NAA40: variants seen among roughly 807,000 people sequenced by gnomAD.
The protein encoded by NAA40 is N-alpha-acetyltransferase 40.
Under a neutral mutation model 36.6 loss-of-function variants are expected in NAA40, and 26 were observed. That is an observed-to-expected ratio of 0.71 (90% CI 0.52 to 0.98). NAA40 has a LOEUF of 0.98. Ranked by LOEUF, NAA40 falls within the 50% of genes least tolerant of loss-of-function variation. The pLI is 0.00. For synonymous variants in NAA40, 129 were observed against 108.4 expected (o/e 1.19, Z -1.18); for missense variants, 237 against 306.5 (o/e 0.77, Z 1.69).
chr11:63,945,870 C>G lies in NAA40; in HGVS notation c.37C>G (p.Gln13Glu). Residue 13 changes from glutamine (Q) to glutamate (E), a missense_variant, in exon 2 of 8, where the codon CAG becomes GAG. Gln to Glu is a conservative substitution (Grantham distance 29, BLOSUM62 2). Coordinates refer to ENST00000377793, the MANE Select transcript of NAA40 (RefSeq NM_024771.4). ...RKSSKAKEKK[Q>E]KRLEERAAMD... ...GTCAAGCAAAGCCAAGGAGAAGAAG[C>G]AGAAGCGGTTGGAGGAGCGAGCAGC... 2 of 1,614,128 alleles carry G rather than the reference C, an allele frequency of 1.2e-6. No individual in the cohort carries two copies. Among genetic ancestry groups the G allele is most frequent in the Non-Finnish European group, 1.7e-6 (2 of 1,180,026 alleles).
intron 3 of NAA40, among the ~76,000 whole-genome samples, chr11:63,947,458 A>C (rs12798491): frequency 0.36 from 54,796 of 151,986 alleles, 10,526 homozygotes; most frequent in Non-Finnish European, 0.43. Context: ...CTCGTGCCCT[A>C]TATTGATATA....
chr11:63,945,803 C>T, intron 1 of NAA40, 37 bp from the exon 2 acceptor site: 1 of 1,568,610 alleles, frequency 6.4e-7, no homozygotes, highest in Non-Finnish European at 8.8e-7. Flanking sequence ...TGATTGGCCA[C>T]AGCCATTCCA....
intron 1 of NAA40, among the ~76,000 whole-genome samples, chr11:63,943,705 C>G (rs568605399): frequency 1.3e-5 from 2 of 152,148 alleles, no homozygotes; most frequent in East Asian, 3.9e-4. Flanking sequence ...CACCTGTAAT[C>G]CCAGCACTTT....
intron 3 of NAA40, among the ~76,000 whole-genome samples, chr11:63,951,174 T>G (rs1443577863): frequency 6.6e-6 from 1 of 152,218 alleles, no homozygotes; most frequent in Non-Finnish European, 1.5e-5. Flanking sequence ...TAGAGTTTGC[T>G]GACTCTAGTC....
At chr11:63,951,980 G>A (rs1180131792) in intron 3 of NAA40, among the ~76,000 whole-genome samples, 4 of 152,324 alleles carry the variant, frequency 2.6e-5, no homozygotes, top group South Asian at 2.1e-4. Flanking sequence ...AAGTGCCGAG[G>A]CGGATTAGGA....
At position 63,956,589 on chromosome 11, in the gene NAA40, T is replaced by A. The variant is rs1176824538; in HGVS notation, c.*2110T>A. 1 of 152,608 alleles carries A rather than the reference T, an allele frequency of 6.6e-6. No individual in the cohort carries two copies. The highest frequency in any genetic ancestry group is 2.4e-5 in the African/African-American group (1 of 41,426). 9.5% of individuals were successfully genotyped at this position (152,608 alleles called of 1,614,324 possible). A position where few individuals can be genotyped will look rare whatever the true frequency, so the allele number is the denominator to read the frequency against. ...CGGGACTAGGGTGGGAGAGGCACTA[T>A]CTGAGACCTGCAATCACTCTTGTTG... On this transcript the variant is annotated 3_prime_UTR_variant, in exon 8 of 8. Coordinates refer to ENST00000377793, the MANE Select transcript of NAA40 (RefSeq NM_024771.4).
intron 3 of NAA40, among the ~76,000 whole-genome samples, chr11:63,951,778 A>G (rs1183268348): frequency 2.0e-5 from 3 of 152,104 alleles, no homozygotes; most frequent in South Asian, 2.1e-4. Flanking sequence ...TGAAGGCGCA[A>G]TTGGTAGATA....
intron 1 of NAA40, chr11:63,939,353 G>A (rs1565168285): frequency 8.0e-7 from 1 of 1,243,214 alleles, no homozygotes; most frequent in Non-Finnish European, 1.0e-6. Context: ...GCCCCTTCCT[G>A]CTTCGCGGAC....
chr11:63,939,546 G>A (rs1314487962), intron 1 of NAA40: 3 of 967,464 alleles, frequency 3.1e-6, no homozygotes, highest in Non-Finnish European at 3.7e-6. Flanking sequence ...TCATATTGTC[G>A]GGGGCGTCAG....
intron 1 of NAA40, among the ~76,000 whole-genome samples, chr11:63,942,402 G>A (rs532232261): frequency 1.2e-4 from 19 of 152,228 alleles, no homozygotes; most frequent in African/African-American, 3.9e-4. Flanking sequence ...TAGACATTGC[G>A]AGCCCCATTT....
In NAA40 at chr11:63,951,375, C is replaced by T. The variant is rs116080148; in HGVS notation, c.156-863C>T. 6.8e-4 allele frequency among the ~76,000 whole-genome samples: 104 copies of T among 152,204 alleles called. 2 individuals carry two copies. The highest frequency in any genetic ancestry group is 2.4e-3 in the African/African-American group (98 of 41,520). On this transcript the variant is annotated intron_variant, in intron 3 of 7. Transcript: ENST00000377793. ...TTGTTTGTTTGGAGACAGAGTTTCGCTCTCACTGCCCAGGCTGTAGTGCAA... is the reference window on the plus strand; with the variant it reads ...TTGTTTGTTTGGAGACAGAGTTTCGTTCTCACTGCCCAGGCTGTAGTGCAA...
At chr11:63,939,392 C>A in intron 1 of NAA40, 1 of 1,199,702 alleles carries the variant, frequency 8.3e-7, no homozygotes, top group Non-Finnish European at 1.0e-6. Context: ...CCACCGTCCC[C>A]CGCGGGGACC....
At chr11:63,949,946 G>A (rs908612660) in intron 3 of NAA40, among the ~76,000 whole-genome samples, 22 of 151,340 alleles carry the variant, frequency 1.5e-4, no homozygotes, top group Admixed American at 2.6e-4. Flanking sequence ...GGGTTTCACC[G>A]TGTTAGCCAG....
chr11:63,943,333 C>T (rs976004081), intron 1 of NAA40, among the ~76,000 whole-genome samples: 7 of 152,270 alleles, frequency 4.6e-5, no homozygotes, highest in Middle Eastern at 3.4e-3. Context: ...GGGTGTATAG[C>T]GGCACTGTGT....
intron 1 of NAA40, 197 bp downstream of exon 1, chr11:63,939,299 C>CA: frequency 7.9e-7 from 1 of 1,273,174 alleles, no homozygotes; most frequent in South Asian, 2.3e-5. Flanking sequence ...TGGAGAGCCC[C>CA]TGGTCCGGGG....
Position 63,956,865 on chromosome 11 carries a change from C to A in NAA40, c.*2386C>A, listed in dbSNP as rs1197570472. ...GTTGTGGCCTGTAATCCCAGCTACT[C>A]GGGAGGCTGAGGCAGGAGACTCGCT... is the stretch of plus-strand genomic sequence containing the variant. On this transcript the variant is annotated 3_prime_UTR_variant, in exon 8 of 8. Transcript: ENST00000377793. 4 of 151,480 alleles carry A rather than the reference C, an allele frequency of 2.6e-5. No individual in the cohort carries two copies. Among genetic ancestry groups the A allele is most frequent in the African/African-American group, 9.7e-5 (4 of 41,172 alleles). The allele number at this position is 151,480 out of a possible 1,614,324, so 9.4% of individuals were successfully genotyped here. A position where few individuals can be genotyped will look rare whatever the true frequency, so the allele number is the denominator to read the frequency against.
chr11:63,945,165 G>A (rs935501460), intron 1 of NAA40, among the ~76,000 whole-genome samples: 1 of 152,218 alleles, frequency 6.6e-6, no homozygotes, highest in South Asian at 2.1e-4. Context: ...CTGCAGCTTC[G>A]TCTTGCTGGC....
At chr11:63,942,226 C>T (rs1263304895) in intron 1 of NAA40, among the ~76,000 whole-genome samples, 7 of 152,096 alleles carry the variant, frequency 4.6e-5, no homozygotes, top group African/African-American at 7.2e-5. Context: ...CCTCTGTGAC[C>T]CTGCAAGTTC....
In NAA40 at chr11:63,957,192, A is replaced by T; in HGVS notation, c.*2713A>T. The T allele has an allele frequency of 1.3e-5, 1 of 74,742 alleles. No homozygotes were observed. Among genetic ancestry groups the T allele is most frequent in the East Asian group, 4.5e-4 (1 of 2,204 alleles). The allele number at this position is 74,742 out of a possible 1,614,324, so 4.6% of individuals were successfully genotyped here. A position where few individuals can be genotyped will look rare whatever the true frequency, so the allele number is the denominator to read the frequency against. On this transcript the variant is annotated 3_prime_UTR_variant, in exon 8 of 8. Coordinates refer to ENST00000377793, the MANE Select transcript of NAA40 (RefSeq NM_024771.4). ...GGAAATTTGGAAGATAAACTCCTTG[A>T]TATATATATATATATATATATTTTT...
Sources: allele counts gnomAD v4.1 joint callset (sites outside exome capture counted in the v4.1 genomes callset), GRCh38; gene constraint gnomAD v4.1.1; transcripts MANE v1.5; gene names NCBI Gene and HGNC (gene_info 2026-07-23, HGNC 2026-07-21).